The following PLCXD3 variants were observed in gnomAD, a reference collection of about 807,000 sequenced individuals.
The protein encoded by PLCXD3 is phosphatidylinositol specific phospholipase C X domain containing 3, also known as PI-PLC X domain-containing protein 3.
A neutral mutation model predicts 25.5 loss-of-function variants in PLCXD3; 19 were observed. The observed-to-expected ratio is 0.75, with a 90% CI of 0.52 to 1.09. PLCXD3 has a LOEUF of 1.09. Ranked by LOEUF, PLCXD3 falls within the 50% of genes least tolerant of loss-of-function variation. PLCXD3 has a pLI of 0.00. For synonymous variants in PLCXD3, 174 were observed against 137.6 expected, an observed-to-expected ratio of 1.26 and a Z score of -1.85; for missense variants, 411 against 388.1, an observed-to-expected ratio of 1.06 and a Z score of -0.50.
intron 1 of PLCXD3, among the ~76,000 whole-genome samples, chr5:41,445,716 C>T (rs1747478816): frequency 6.6e-6 from 1 of 152,074 alleles, no homozygotes; most frequent in Admixed American, 6.5e-5. Context: ...TCAGGAATTT[C>T]GAAGTAGTTA....
At chr5:41,498,859 T>A (rs562722543) in intron 1 of PLCXD3, among the ~76,000 whole-genome samples, 1 of 151,744 alleles carries the variant, frequency 6.6e-6, no homozygotes, top group East Asian at 1.9e-4. Flanking sequence ...CATATAAAAA[T>A]CAATTAATGT....
chr5:41,354,729 C>G (rs1174766772), intron 2 of PLCXD3, among the ~76,000 whole-genome samples: 1 of 152,120 alleles, frequency 6.6e-6, no homozygotes, highest in Non-Finnish European at 1.5e-5. Flanking sequence ...GTAATATTGT[C>G]TCACTCAAAC....
chr5:41,406,738 C>T lies in PLCXD3; in HGVS notation c.104-24204G>A, dbSNP rs184497434. On this transcript the variant is annotated intron_variant, in intron 1 of 2. Coordinates refer to ENST00000377801, the MANE Select transcript of PLCXD3 (RefSeq NM_001005473.3). ...TTGATTCAATCCTCTGTAGCTTTCCCTTCATCTCAGCTGCGATCATTCAAC... is the reference window on the plus strand; with the variant it reads ...TTGATTCAATCCTCTGTAGCTTTCCTTTCATCTCAGCTGCGATCATTCAAC... Among the ~76,000 whole-genome samples, 56 of 152,260 alleles carry T rather than the reference C, an allele frequency of 3.7e-4. No individual in the cohort carries two copies. In the East Asian group the frequency reaches 7.1e-3, roughly 19 times the overall value.
Position 41,381,825 on chromosome 5 carries a change from C to T in PLCXD3, c.812+1G>A. The T allele has an allele frequency of 1.9e-6, 3 of 1,601,252 alleles. No individual in the cohort carries two copies. The highest frequency in any genetic ancestry group is 2.6e-6 in the Non-Finnish European group (3 of 1,174,284). On this transcript the variant is annotated splice_donor_variant, in intron 2 of 2. Coordinates refer to ENST00000377801, the MANE Select transcript of PLCXD3 (RefSeq NM_001005473.3). LOFTEE classifies it high-confidence loss of function. Reference sequence around the variant, plus strand: ...CCCCCTGACATTTTAAAGACACTTACCTTTCTGTGATTGTTTCTCTGAGGC... The same window carrying T: ...CCCCCTGACATTTTAAAGACACTTATCTTTCTGTGATTGTTTCTCTGAGGC...
At chr5:41,352,210 C>T (rs777176872) in intron 2 of PLCXD3, among the ~76,000 whole-genome samples, 2 of 152,150 alleles carry the variant, frequency 1.3e-5, no homozygotes, top group African/African-American at 2.4e-5. Context: ...TCACTTCATC[C>T]GGCCCTCCCC....
intron 2 of PLCXD3, among the ~76,000 whole-genome samples, chr5:41,365,758 C>A (rs1040845310): frequency 2.0e-5 from 3 of 152,102 alleles, no homozygotes; most frequent in Non-Finnish European, 2.9e-5. Context: ...TTCTTCCCCA[C>A]CTCAATTTTT....
In PLCXD3 at chr5:41,313,068, T is replaced by A. The variant is rs1018931702; in HGVS notation, c.*549A>T. 1 of 152,934 alleles carries A rather than the reference T, an allele frequency of 6.5e-6. No homozygotes were observed. Among genetic ancestry groups the A allele is most frequent in the Non-Finnish European group, 1.5e-5 (1 of 68,302 alleles). The allele number at this position is 152,934 out of a possible 1,614,324, so 9.5% of individuals were successfully genotyped here. ...TACTGATGCATGGAAACTGATTTGA[T>A]GCAGATTTTCTATGACCAAAAATTA... On this transcript the variant is annotated 3_prime_UTR_variant, in exon 3 of 3. Transcript: ENST00000377801.
Position 41,313,392 on chromosome 5 carries a change from C to T in PLCXD3, c.*225G>A, listed in dbSNP as rs1013319930. On this transcript the variant is annotated 3_prime_UTR_variant, in exon 3 of 3. Coordinates refer to ENST00000377801, the MANE Select transcript of PLCXD3 (RefSeq NM_001005473.3). ...ACTGGTCTTTTTTTTTTATTCCTAA[C>T]ACTAGAAGTAGATTTTGCTCATCAA... The T allele has an allele frequency of 3.7e-5, 17 of 455,760 alleles. No individual in the cohort carries two copies. Among genetic ancestry groups the T allele is most frequent in the Non-Finnish European group, 5.4e-5 (14 of 260,844 alleles). 28.2% of individuals were successfully genotyped at this position (455,760 alleles called of 1,614,324 possible).
intron 2 of PLCXD3, among the ~76,000 whole-genome samples, chr5:41,370,369 T>C (rs192430090): frequency 6.6e-6 from 1 of 152,306 alleles, no homozygotes; most frequent in African/African-American, 2.4e-5. Context: ...AGGTCAGGTA[T>C]TCTGAGAAAA....
At chr5:41,482,731 A>G (rs1424590584) in intron 1 of PLCXD3, among the ~76,000 whole-genome samples, 1 of 152,206 alleles carries the variant, frequency 6.6e-6, no homozygotes. Context: ...ATGTCAAAAA[A>G]CATTTTTAAA....
At chr5:41,385,618 C>T (rs1410388494) in intron 1 of PLCXD3, among the ~76,000 whole-genome samples, 2 of 152,162 alleles carry the variant, frequency 1.3e-5, no homozygotes, top group African/African-American at 2.4e-5. Flanking sequence ...CCTTGCCCTC[C>T]TGCATTCATA....
chr5:41,483,896 A>T (rs1234672672), intron 1 of PLCXD3, among the ~76,000 whole-genome samples: 1 of 152,130 alleles, frequency 6.6e-6, no homozygotes, highest in Non-Finnish European at 1.5e-5. Flanking sequence ...AACACCACTA[A>T]CACACACAAA....
chr5:41,340,383 A>C (rs1345848677), intron 2 of PLCXD3, among the ~76,000 whole-genome samples: 3 of 152,230 alleles, frequency 2.0e-5, no homozygotes, highest in Non-Finnish European at 4.4e-5. Context: ...ATTAACTAAA[A>C]GTTGTAAAAA....
chr5:41,472,804 C>T (rs190889049), intron 1 of PLCXD3, among the ~76,000 whole-genome samples: 29 of 152,118 alleles, frequency 1.9e-4, no homozygotes, highest in Middle Eastern at 3.4e-3. Flanking sequence ...AGTTGACCAA[C>T]GAAAGAAAGA....
intron 1 of PLCXD3, among the ~76,000 whole-genome samples, chr5:41,494,238 G>T (rs1341826545): frequency 6.6e-6 from 1 of 152,176 alleles, no homozygotes; most frequent in Non-Finnish European, 1.5e-5. Flanking sequence ...TGGGACTGCA[G>T]GTGTGGAGGG....
At chr5:41,390,066 T>C (rs1159812158) in intron 1 of PLCXD3, among the ~76,000 whole-genome samples, 2 of 152,198 alleles carry the variant, frequency 1.3e-5, no homozygotes, top group African/African-American at 2.4e-5. Context: ...TAAGTTAGTT[T>C]TGACTTCTCT....
chr5:41,462,360 G>A (rs565908656), intron 1 of PLCXD3, among the ~76,000 whole-genome samples: 1 of 152,014 alleles, frequency 6.6e-6, no homozygotes, highest in Non-Finnish European at 1.5e-5. Flanking sequence ...AAACGTATTT[G>A]CAACACCTGT....
chr5:41,332,050 A>G (rs1743830052), intron 2 of PLCXD3, among the ~76,000 whole-genome samples: 1 of 152,244 alleles, frequency 6.6e-6, no homozygotes, highest in African/African-American at 2.4e-5. Context: ...CTTCATGTCT[A>G]AAACACGAAA....
chr5:41,437,954 T>C (rs1246387052), intron 1 of PLCXD3, among the ~76,000 whole-genome samples: 1 of 152,346 alleles, frequency 6.6e-6, no homozygotes, highest in Middle Eastern at 3.4e-3. Context: ...TGGACTATAG[T>C]ACATTCCCCA....
Sources: allele counts gnomAD v4.1 joint callset (sites outside exome capture counted in the v4.1 genomes callset), GRCh38; gene constraint gnomAD v4.1.1; transcripts MANE v1.5; gene names NCBI Gene and HGNC (gene_info 2026-07-23, HGNC 2026-07-21).